The following RYR2 variants were observed in gnomAD, a reference collection of about 807,000 sequenced individuals.
The protein encoded by RYR2 is ryanodine receptor 2.
RYR2 carries 227 observed loss-of-function variants against 601.1 expected under a neutral mutation model. That is an observed-to-expected ratio of 0.38 (90% CI 0.34 to 0.42). The LOEUF is 0.42. RYR2 is among the 10% of genes least tolerant of loss of function. RYR2 has a pLI of 1.00. For synonymous variants in RYR2, 2,223 were observed against 2,175.1 expected, an observed-to-expected ratio of 1.02 and a Z score of -0.61; for missense variants, 4,646 against 6,156.5, an observed-to-expected ratio of 0.75 and a Z score of 8.21.
At position 237,792,120 on chromosome 1, in the gene RYR2, G is replaced by A; in HGVS notation, c.13579G>A (p.Val4527Met). 1.3e-6 allele frequency: 2 copies of A among 1,598,528 alleles called. No homozygotes were observed. Among genetic ancestry groups the A allele is most frequent in the Non-Finnish European group, 1.7e-6 (2 of 1,172,202 alleles). The change falls in exon 94 of 105, where the codon GTG (valine) becomes ATG (methionine). Residue 4527 changes from valine (V) to methionine (M), a missense_variant. By Grantham distance (21) the Val-to-Met change is conservative (BLOSUM62 1). Transcript: ENST00000366574. Reference protein sequence around the residue: ...LLFYKVSTSSVVEGKELPTRS... With the variant: ...LLFYKVSTSSMVEGKELPTRS... ...TTTGAATCAGGTCTCCACTTCTTCT[G>A]TGGTTGAAGGAAAGGAGCTCCCCAC...
chr1:237,393,551 C>T (rs1702568059), intron 10 of RYR2, among the ~76,000 whole-genome samples: 1 of 152,200 alleles, frequency 6.6e-6, no homozygotes, highest in South Asian at 2.1e-4. Context: ...GGAGGAAGCT[C>T]TTAAAGCTAT....
intron 13 of RYR2, among the ~76,000 whole-genome samples, chr1:237,441,685 T>C (rs1707915797): frequency 6.6e-6 from 1 of 152,086 alleles, no homozygotes; most frequent in African/African-American, 2.4e-5. Context: ...TATATAGGAT[T>C]ATGGGATGCG....
At chr1:237,127,764 C>T (rs1356314445) in intron 1 of RYR2, among the ~76,000 whole-genome samples, 3 of 147,360 alleles carry the variant, frequency 2.0e-5, no homozygotes, top group Admixed American at 6.7e-5. Context: ...GGGGCAGAGG[C>T]GCTCCTCACA....
intron 100 of RYR2, among the ~76,000 whole-genome samples, chr1:237,810,864 G>A (rs1036615179): frequency 3.9e-5 from 6 of 152,068 alleles, no homozygotes; most frequent in Admixed American, 3.3e-4. Context: ...GATCAGTAAT[G>A]ATAGGATCCT....
intron 3 of RYR2, chr1:237,333,691 A>G (rs994464937): frequency 1.1e-5 from 5 of 455,206 alleles, no homozygotes; most frequent in South Asian, 6.2e-5. Context: ...CTGAACTCCA[A>G]ATATCATCTT....
Position 237,639,001 on chromosome 1 carries a change from C to G in RYR2, c.6929-14C>G. Reference sequence around the variant, plus strand: ...AATCATATTTGTTTACTTATCTTCCCCATTCTACTTTAGGGGAGAGTGTGG... The same window carrying G: ...AATCATATTTGTTTACTTATCTTCCGCATTCTACTTTAGGGGAGAGTGTGG... On this transcript the variant is annotated splice_polypyrimidine_tract_variant and intron_variant, in intron 45 of 104. Transcript: ENST00000366574. The G allele has an allele frequency of 6.2e-7, 1 of 1,612,868 alleles. No homozygotes were observed. Among genetic ancestry groups the G allele is most frequent in the Non-Finnish European group, 8.5e-7 (1 of 1,179,408 alleles).
At chr1:237,682,303 G>A (rs538306514) in intron 62 of RYR2, among the ~76,000 whole-genome samples, 100 of 152,134 alleles carry the variant, frequency 6.6e-4, no homozygotes, top group African/African-American at 2.2e-3. Context: ...GAGGTACATC[G>A]CTATTTTGTG....
At chr1:237,687,646 C>A in intron 63 of RYR2, 142 bp downstream of exon 63, 1 of 679,886 alleles carries the variant, frequency 1.5e-6, no homozygotes, top group South Asian at 1.8e-5. Context: ...AAGATAAGGT[C>A]CTCGAGGTTG....
chr1:237,210,206 CAAT>C (rs1682417420), intron 1 of RYR2, among the ~76,000 whole-genome samples: 1 of 147,688 alleles, frequency 6.8e-6, no homozygotes. Context: ...ATTTTTATAT[CAAT>C]AAACTCTTTT....
chr1:237,067,351 A>AT (rs1381063304), intron 1 of RYR2, among the ~76,000 whole-genome samples: 1 of 152,042 alleles, frequency 6.6e-6, no homozygotes, highest in Non-Finnish European at 1.5e-5. Flanking sequence ...TAGAGATTCT[A>AT]TTTTTTTCCT....
chr1:237,447,876 CCTTTT>C (rs1160346767), intron 14 of RYR2, among the ~76,000 whole-genome samples: 1 of 126,320 alleles, frequency 7.9e-6, no homozygotes, highest in Non-Finnish European at 1.6e-5. Context: ...TTTTTTCTTT[CCTTTT>C]CTTTTCTTTC....
chr1:237,580,062 G>A (rs1174871770), intron 29 of RYR2, among the ~76,000 whole-genome samples: 5 of 151,882 alleles, frequency 3.3e-5, no homozygotes, highest in African/African-American at 4.8e-5. Flanking sequence ...GAACTTAGGC[G>A]CTATGGGCTA....
chr1:237,639,567 TAGAA>T (rs1414572170), intron 46 of RYR2, among the ~76,000 whole-genome samples: 1 of 152,160 alleles, frequency 6.6e-6, no homozygotes, highest in East Asian at 1.9e-4. Flanking sequence ...ATTTTATGAT[TAGAA>T]AGAGACCTTT....
chr1:237,789,986 G>A (rs544511984), intron 92 of RYR2, among the ~76,000 whole-genome samples: 1 of 152,312 alleles, frequency 6.6e-6, no homozygotes, highest in South Asian at 2.1e-4. Context: ...GTCCTGTGTG[G>A]GGAAATGACA....
chr1:237,538,127 C>T (rs1006747481), intron 25 of RYR2, among the ~76,000 whole-genome samples: 5 of 151,920 alleles, frequency 3.3e-5, no homozygotes, highest in South Asian at 4.2e-4. Flanking sequence ...CAGTGGCTTA[C>T]GCCTGTAATC....
In RYR2 at chr1:237,794,019, A is replaced by G. The variant is rs376285561; in HGVS notation, c.13913+22A>G. ...CACAGTGAGTAAATAATTATATGAG[A>G]CTTTCTGCACTCAAAAATTTCAGAC... On this transcript the variant is annotated intron_variant, in intron 95 of 104. Transcript: ENST00000366574. 4.4e-6 allele frequency: 7 copies of G among 1,587,600 alleles called. 1 individual carries two copies. In the African/African-American group the frequency reaches 6.8e-5, roughly 15 times the overall value.
chr1:237,771,819 C>T (rs367606645), intron 85 of RYR2, among the ~76,000 whole-genome samples, 193 bp from the exon 86 acceptor site: 11 of 152,048 alleles, frequency 7.2e-5, no homozygotes, highest in African/African-American at 2.4e-4. Context: ...ATCAATGGAG[C>T]ACCCAGATAC....
At chr1:237,060,451 A>C (rs1662697316) in intron 1 of RYR2, among the ~76,000 whole-genome samples, 1 of 152,190 alleles carries the variant, frequency 6.6e-6, no homozygotes, top group Non-Finnish European at 1.5e-5. Flanking sequence ...AAAGTACATA[A>C]ATCTTAAGTG....
intron 2 of RYR2, among the ~76,000 whole-genome samples, chr1:237,297,003 CA>C (rs1389388849): frequency 2.0e-5 from 3 of 151,742 alleles, no homozygotes; most frequent in African/African-American, 7.3e-5. Flanking sequence ...TTTGTTGCTG[CA>C]AAAATTGAAA....
Sources: gnomAD v4.1 joint callset for allele counts (sites outside exome capture counted in the v4.1 genomes callset) on GRCh38, gnomAD v4.1.1 for gene constraint, MANE v1.5 for transcripts, NCBI Gene and HGNC (gene_info 2026-07-23, HGNC 2026-07-21) for gene names.